ASAP1: variants seen among roughly 807,000 people sequenced by gnomAD.
ASAP1 encodes the protein ArfGAP with SH3 domain, ankyrin repeat and PH domain 1.
In ASAP1, 43 loss-of-function variants were observed where a neutral mutation model predicts 145.2. The observed-to-expected ratio is 0.30, with a 90% confidence interval of 0.23 to 0.38. The LOEUF (loss-of-function observed/expected upper bound fraction) is 0.38. Ranked by LOEUF, ASAP1 falls within the 10% of genes least tolerant of loss-of-function variation. ASAP1 has a pLI of 1.00. For synonymous variants in ASAP1, 546 were observed against 515.5 expected (o/e 1.06, Z -0.80); for missense variants, 1,018 against 1,355.3 (o/e 0.75, Z 3.91).
chr8:130,265,475 AAGC>A (rs930187265), intron 3 of ASAP1, among the ~76,000 whole-genome samples: 1 of 151,840 alleles, frequency 6.6e-6, no homozygotes, highest in African/African-American at 2.4e-5. Flanking sequence ...CATGAGGCTG[AAGC>A]AGGAGGTTTG....
chr8:130,109,354 C>T (rs532052101), intron 24 of ASAP1, among the ~76,000 whole-genome samples: 10 of 152,232 alleles, frequency 6.6e-5, no homozygotes, highest in African/African-American at 2.4e-4. Flanking sequence ...TTAGGTCAAG[C>T]TTCCTTGAAT....
intron 27 of ASAP1, among the ~76,000 whole-genome samples, chr8:130,073,398 A>T (rs2097454536): frequency 6.6e-6 from 1 of 151,968 alleles, no homozygotes; most frequent in African/African-American, 2.4e-5. Flanking sequence ...CTCAAAAAAA[A>T]AAAAAAACAA....
At chr8:130,440,408 G>A (rs1830451506) in intron 1 of ASAP1, among the ~76,000 whole-genome samples, 3 of 151,852 alleles carry the variant, frequency 2.0e-5, no homozygotes, top group Non-Finnish European at 4.4e-5. Flanking sequence ...TCAGGAGGCT[G>A]AGGCAGGAGA....
At chr8:130,351,023 CACAA>C (rs1220666940) in intron 3 of ASAP1, among the ~76,000 whole-genome samples, 12 of 152,224 alleles carry the variant, frequency 7.9e-5, no homozygotes, top group Non-Finnish European at 1.5e-5. Context: ...TGTCTTTGAT[CACAA>C]AAGGCAGAGA....
At chr8:130,205,591 C>CTTTTTTT (rs10679649) in intron 5 of ASAP1, among the ~76,000 whole-genome samples, 4 of 119,248 alleles carry the variant, frequency 3.4e-5, no homozygotes, top group East Asian at 2.5e-4. Context: ...AAATACACGG[C>CTTTTTTT]TTTTTTTTTT....
chr8:130,342,599 G>A lies in ASAP1; in HGVS notation c.186+15418C>T, dbSNP rs183772332. 2.0e-3 allele frequency among the ~76,000 whole-genome samples: 299 copies of A among 152,212 alleles called. 1 individual carries two copies. The highest frequency in any genetic ancestry group is 3.4e-3 in the Middle Eastern group (1 of 294). On this transcript the variant is annotated intron_variant, in intron 3 of 29. Coordinates refer to ENST00000518721, the MANE Select transcript of ASAP1 (RefSeq NM_018482.4). ...GCCTCTCTGAAACTTCTGGAACTGA[G>A]AAAGCACCATCCTAAGAAAAACAAA...
At chr8:130,390,737 C>CT (rs1281719562) in intron 2 of ASAP1, among the ~76,000 whole-genome samples, 1 of 152,180 alleles carries the variant, frequency 6.6e-6, no homozygotes. Context: ...GCATTCATAC[C>CT]TACTAGGATG....
At chr8:130,226,866 G>A (rs192047433) in intron 4 of ASAP1, among the ~76,000 whole-genome samples, 1 of 152,270 alleles carries the variant, frequency 6.6e-6, no homozygotes, top group East Asian at 1.9e-4. Context: ...TTTACTGATG[G>A]CTCTGTAGGT....
At chr8:130,261,152 GCT>G (rs1371674009) in intron 3 of ASAP1, among the ~76,000 whole-genome samples, 1 of 152,196 alleles carries the variant, frequency 6.6e-6, no homozygotes, top group Non-Finnish European at 1.5e-5. Flanking sequence ...GCTCCTGCAT[GCT>G]CTCTCATATT....
intron 3 of ASAP1, among the ~76,000 whole-genome samples, chr8:130,346,000 G>A (rs72724452): frequency 0.035 from 5,289 of 152,250 alleles, 126 homozygotes; most frequent in Middle Eastern, 0.065. Context: ...CTATGCAATT[G>A]GTAGGCATAT....
At chr8:130,228,051 G>C (rs1360087816) in intron 4 of ASAP1, among the ~76,000 whole-genome samples, 1 of 152,142 alleles carries the variant, frequency 6.6e-6, no homozygotes, top group Non-Finnish European at 1.5e-5. Context: ...GGTATAAACA[G>C]TGCATTTTAG....
chr8:130,384,220 A>T (rs1827907705), intron 2 of ASAP1, among the ~76,000 whole-genome samples: 1 of 152,184 alleles, frequency 6.6e-6, no homozygotes, highest in Admixed American at 6.5e-5. Context: ...ACCAGCAGGG[A>T]AGGGCCTCGC....
chr8:130,403,720 T>G (rs1326701038), intron 1 of ASAP1, among the ~76,000 whole-genome samples: 1 of 152,008 alleles, frequency 6.6e-6, no homozygotes, highest in Non-Finnish European at 1.5e-5. Context: ...GCCCAGCTAC[T>G]TTTTTGCATT....
At chr8:130,187,860 G>A (rs917506333) in intron 6 of ASAP1, among the ~76,000 whole-genome samples, 3 of 152,106 alleles carry the variant, frequency 2.0e-5, no homozygotes, top group African/African-American at 4.8e-5. Flanking sequence ...GCCAAGACTC[G>A]GGCTTAGCTT....
intron 9 of ASAP1, among the ~76,000 whole-genome samples, chr8:130,172,476 A>AT (rs964235743): frequency 1.1e-4 from 17 of 148,684 alleles, no homozygotes; most frequent in Admixed American, 7.4e-4. Flanking sequence ...TCTCTTCCCA[A>AT]TTTTTTTTTT....
In ASAP1 at chr8:130,358,612, G is replaced by A. The variant is rs866067666; in HGVS notation, c.60-469C>T. Among the ~76,000 whole-genome samples the A allele has an allele frequency of 2.1e-5, 3 of 145,592 alleles. No individual in the cohort carries two copies. The highest frequency in any genetic ancestry group is 3.0e-5 in the Non-Finnish European group (2 of 65,790). ...TGACTGACTGAGCGCACACTCCCGC[G>A]GCGGGCGGGCGGGCGGGCGGCGCTC... On this transcript the variant is annotated intron_variant, in intron 2 of 29. Transcript: ENST00000518721. This position sits in a 1 kb window ranked among gnomAD's most constrained non-coding sequence, Gnocchi z 4.1.
intron 3 of ASAP1, among the ~76,000 whole-genome samples, chr8:130,305,873 T>A (rs1474189321): frequency 6.6e-6 from 1 of 152,158 alleles, no homozygotes; most frequent in Non-Finnish European, 1.5e-5. Flanking sequence ...AAGAGAGGTA[T>A]CTTAAGGATT....
intron 3 of ASAP1, among the ~76,000 whole-genome samples, chr8:130,268,141 G>C (rs1018417255): frequency 6.6e-6 from 1 of 152,090 alleles, no homozygotes; most frequent in Non-Finnish European, 1.5e-5. Context: ...AAATGATTTA[G>C]TAAATTAAGG....
At chr8:130,198,633 C>T (rs75532894) in intron 5 of ASAP1, among the ~76,000 whole-genome samples, 75 of 152,296 alleles carry the variant, frequency 4.9e-4, no homozygotes, top group Non-Finnish European at 1.0e-3. Context: ...TTGCTCACAA[C>T]ACCTCTGTAA....
Sources: gnomAD v4.1 joint callset for allele counts (sites outside exome capture counted in the v4.1 genomes callset) on GRCh38, gnomAD v4.1.1 for gene constraint, Gnocchi (gnomAD v3.1) non-coding constraint, MANE v1.5 for transcripts, NCBI Gene and HGNC (gene_info 2026-07-23, HGNC 2026-07-21) for gene names.